The following BRD10 variants were observed in gnomAD, a reference collection of about 807,000 sequenced individuals.
BRD10 encodes uncharacterized bromodomain-containing protein 10.
chr9:5,879,319 C>T, the BRD10 span, among the ~76,000 whole-genome samples: 20 of 151,582 alleles, frequency 1.3e-4, no homozygotes, highest in South Asian at 2.1e-4. Flanking sequence ...AAAAATTATC[C>T]GGGTGTGATG....
At chr9:5,973,645 T>C in the BRD10 span, among the ~76,000 whole-genome samples, 36 of 152,140 alleles carry the variant, frequency 2.4e-4, no homozygotes, top group East Asian at 1.9e-4. Flanking sequence ...TCCCAGCATT[T>C]TGGGAGGCCG....
At chr9:5,930,929 G>A in the BRD10 span, among the ~76,000 whole-genome samples, 1 of 152,132 alleles carries the variant, frequency 6.6e-6, no homozygotes, top group African/African-American at 2.4e-5. Flanking sequence ...ATAGAAATTA[G>A]GTAGACTTGT....
chr9:5,967,932 TCTCA>T, the BRD10 span: 38 of 808,544 alleles, frequency 4.7e-5, 2 homozygotes, highest in South Asian at 6.8e-4. Context: ...CATTTTACTC[TCTCA>T]ATCAAAGCAT....
At chr9:5,927,435 A>G in the BRD10 span, among the ~76,000 whole-genome samples, 1 of 152,116 alleles carries the variant, frequency 6.6e-6, no homozygotes, top group Non-Finnish European at 1.5e-5. Flanking sequence ...CGACAACAAC[A>G]AAACACACTC....
At chr9:5,982,448 G>T in the BRD10 span, among the ~76,000 whole-genome samples, 6 of 152,130 alleles carry the variant, frequency 3.9e-5, no homozygotes, top group African/African-American at 1.4e-4. Context: ...CCTTCAAGAG[G>T]TTATTGGGTC....
At chr9:5,909,508 T>G in the BRD10 span, 1 of 152,448 alleles carries the variant, frequency 6.6e-6, no homozygotes, top group Non-Finnish European at 1.5e-5. Flanking sequence ...TCTGCCCGCC[T>G]CAGCCTCCCA....
At chr9:5,991,178 GTGTATATATA>G in the BRD10 span, among the ~76,000 whole-genome samples, 21 of 37,326 alleles carry the variant, frequency 5.6e-4, no homozygotes, top group Non-Finnish European at 2.2e-3. Flanking sequence ...GTGTGTGTGT[GTGTATATATA>G]TATATATATA....
the BRD10 span, among the ~76,000 whole-genome samples, chr9:5,985,317 C>T: frequency 6.6e-6 from 1 of 152,002 alleles, no homozygotes. Context: ...CAAAAATTTC[C>T]ATAACCTTGG....
the BRD10 span, chr9:5,921,979 T>C: frequency 1.9e-6 from 3 of 1,612,244 alleles, no homozygotes; most frequent in Non-Finnish European, 2.5e-6. Context: ...ATGTAGTAGT[T>C]GTTCCAGCTA....
At chr9:6,004,046 G>A in the BRD10 span, among the ~76,000 whole-genome samples, 2 of 152,148 alleles carry the variant, frequency 1.3e-5, no homozygotes, top group Non-Finnish European at 2.9e-5. Context: ...TCAGCATTCG[G>A]AATGCCCCAG....
chr9:5,893,688 A>G, the BRD10 span, among the ~76,000 whole-genome samples: 1 of 152,170 alleles, frequency 6.6e-6, no homozygotes, highest in South Asian at 2.1e-4. Flanking sequence ...TCTTTAAAAT[A>G]TACTTTTATG....
chr9:5,892,445 GT>G, the BRD10 span: 1 of 1,599,926 alleles, frequency 6.3e-7, no homozygotes. Flanking sequence ...TGCTCCTTCT[GT>G]TAGGTGTCCT....
chr9:5,893,525 C>A, the BRD10 span, among the ~76,000 whole-genome samples: 2 of 152,132 alleles, frequency 1.3e-5, no homozygotes, highest in Admixed American at 6.6e-5. Flanking sequence ...GTATAGGATC[C>A]TCTAATATCC....
the BRD10 span, among the ~76,000 whole-genome samples, chr9:5,989,050 G>A: frequency 1.3e-5 from 2 of 151,912 alleles, no homozygotes; most frequent in African/African-American, 4.8e-5. Flanking sequence ...GACCAACACG[G>A]AGAAGCCCTG....
At chr9:5,919,512 C>T in the BRD10 span, 1 of 564,484 alleles carries the variant, frequency 1.8e-6, no homozygotes, top group Non-Finnish European at 2.9e-6. Flanking sequence ...AAAACAAAGC[C>T]TTGTTGCAAG....
At chr9:5,930,270 T>C in the BRD10 span, among the ~76,000 whole-genome samples, 1 of 151,246 alleles carries the variant, frequency 6.6e-6, no homozygotes, top group Non-Finnish European at 1.5e-5. Context: ...GTTGAGTCCA[T>C]TTGCATATAA....
the BRD10 span, among the ~76,000 whole-genome samples, chr9:5,947,175 T>C: frequency 6.6e-6 from 1 of 152,160 alleles, no homozygotes; most frequent in African/African-American, 2.4e-5. Context: ...CTGTATCTAG[T>C]TAGTAAACTG....
chr9:5,921,123 C>T, the BRD10 span: 1 of 1,613,898 alleles, frequency 6.2e-7, no homozygotes, highest in Non-Finnish European at 8.5e-7. Context: ...CTTACTGGAA[C>T]TGAATTACCA....
At chr9:6,005,413 G>A in the BRD10 span, among the ~76,000 whole-genome samples, 1 of 152,222 alleles carries the variant, frequency 6.6e-6, no homozygotes, top group African/African-American at 2.4e-5. Context: ...GCTGAGGCAC[G>A]AGTATCGCTT....
Sources: gnomAD v4.1 joint callset for allele counts (sites outside exome capture counted in the v4.1 genomes callset) on GRCh38, gnomAD v4.1.1 for gene constraint, MANE v1.5 for transcripts, NCBI Gene and HGNC (gene_info 2026-07-23, HGNC 2026-07-21) for gene names.